Variants in CELF2 observed in about 807,000 individuals in gnomAD.
The protein encoded by CELF2 is CUGBP Elav-like family member 2, also known as CUG triplet repeat RNA-binding protein 2.
In CELF2, 8 loss-of-function variants were observed where a neutral mutation model predicts 62.6. That is an observed-to-expected ratio of 0.13 (90% CI 0.07 to 0.23). The LOEUF is 0.23. CELF2 is among the 10% of genes least tolerant of loss of function. The pLI, the probability that CELF2 is intolerant of heterozygous loss-of-function variation, is 1.00. For missense variants in CELF2, 333 were observed against 671.0 expected, an observed-to-expected ratio of 0.50 and a Z score of 5.56; for synonymous variants, 258 against 250.0, an observed-to-expected ratio of 1.03 and a Z score of -0.30.
chr10:11,236,290 T>C (rs2071246072), intron 3 of CELF2, among the ~76,000 whole-genome samples: 1 of 152,224 alleles, frequency 6.6e-6, no homozygotes, highest in African/African-American at 2.4e-5. Context: ...ATTTTAAAGA[T>C]TTGCTTGTTA....
At position 11,267,533 on chromosome 10, in the gene CELF2, T is replaced by A. The variant is rs1213918828; in HGVS notation, c.618+856T>A. On this transcript the variant is annotated intron_variant, in intron 6 of 12. Transcript: ENST00000633077. This position sits in a 1 kb window ranked among gnomAD's most constrained non-coding sequence, Gnocchi z 4.4. ...ATACTGTATCTTTGTGTATGGGTGA[T>A]CTTTTCCGGAGGTGGCCTTGTGGTG... is the stretch of plus-strand genomic sequence containing the variant. Among the ~76,000 whole-genome samples, 1 of 152,228 alleles carries A rather than the reference T, an allele frequency of 6.6e-6. No individual in the cohort carries two copies. The highest frequency in any genetic ancestry group is 1.5e-5 in the Non-Finnish European group (1 of 68,032).
intron 1 of CELF2, among the ~76,000 whole-genome samples, chr10:11,113,002 TG>T (rs2055606999): frequency 2.0e-5 from 3 of 152,188 alleles, no homozygotes; most frequent in African/African-American, 7.2e-5. Flanking sequence ...GACTGAGTCG[TG>T]AGTAAACGCA....
At chr10:10,736,556 G>A in the CELF2 span, among the ~76,000 whole-genome samples, 1 of 151,952 alleles carries the variant, frequency 6.6e-6, no homozygotes, top group East Asian at 1.9e-4. Context: ...AGAGAAATAC[G>A]TTGGGAATTT....
the CELF2 span, among the ~76,000 whole-genome samples, chr10:10,577,364 T>TTTATTATTATTATTATTA: frequency 0.01 from 1,472 of 141,404 alleles, 13 homozygotes; most frequent in Non-Finnish European, 0.015. Context: ...AACAAATCTT[T>TTTATTATTATTATTATTA]TTATTATTAT....
the CELF2 span, among the ~76,000 whole-genome samples, chr10:10,658,577 A>G: frequency 6.6e-6 from 1 of 152,188 alleles, no homozygotes; most frequent in Non-Finnish European, 1.5e-5. Context: ...CCAATTTGCT[A>G]ACTTTTATAA....
At chr10:10,836,205 A>G (rs1392661858) in intron 1 of CELF2, among the ~76,000 whole-genome samples, 1 of 152,176 alleles carries the variant, frequency 6.6e-6, no homozygotes, top group Non-Finnish European at 1.5e-5. Flanking sequence ...AGGGAGAAGC[A>G]TAAGAAAAGA....
chr10:10,683,886 C>T, the CELF2 span, among the ~76,000 whole-genome samples: 2 of 152,136 alleles, frequency 1.3e-5, no homozygotes, highest in Non-Finnish European at 2.9e-5. Flanking sequence ...AGGCAAAAGT[C>T]GTCAGGCAAG....
Position 11,314,470 on chromosome 10 carries a change from T to G in CELF2, c.1096+212T>G. 3.1e-6 allele frequency: 2 copies of G among 652,066 alleles called. No individual in the cohort carries two copies. Among genetic ancestry groups the G allele is most frequent in the Non-Finnish European group, 5.6e-6 (2 of 360,118 alleles). The allele number at this position is 652,066 out of a possible 1,614,324, so 40.4% of individuals were successfully genotyped here. ...AACCACTCTCCACCCCCAGATTCTC[T>G]TCAGTGTGTAGCACAGCGCGTGTGC... On this transcript the variant is annotated intron_variant, in intron 10 of 12. Coordinates refer to ENST00000633077, the MANE Select transcript of CELF2 (RefSeq NM_001326342.2). This position sits in a 1 kb window ranked among gnomAD's most constrained non-coding sequence, Gnocchi z 5.3.
At chr10:11,216,725 T>C (rs2063458054) in intron 2 of CELF2, among the ~76,000 whole-genome samples, 1 of 152,222 alleles carries the variant, frequency 6.6e-6, no homozygotes, top group African/African-American at 2.4e-5. Flanking sequence ...CCACAGGCTC[T>C]TTGGAAAGGA....
At chr10:10,698,117 G>T in the CELF2 span, among the ~76,000 whole-genome samples, 872 of 152,298 alleles carry the variant, frequency 5.7e-3, 7 homozygotes, top group African/African-American at 0.02. Context: ...ACCTTAGCAG[G>T]TGGTGTGATA....
At chr10:11,066,649 T>C (rs777335267) in intron 1 of CELF2, among the ~76,000 whole-genome samples, 4 of 152,182 alleles carry the variant, frequency 2.6e-5, no homozygotes, top group African/African-American at 9.7e-5. Flanking sequence ...CAAAGGATGA[T>C]ACTATGTCAG....
At chr10:11,063,387 A>T (rs555338288) in intron 1 of CELF2, among the ~76,000 whole-genome samples, 1 of 152,244 alleles carries the variant, frequency 6.6e-6, no homozygotes, top group Non-Finnish European at 1.5e-5. Flanking sequence ...TTCATGACTT[A>T]TCTATAAAAT....
intron 2 of CELF2, among the ~76,000 whole-genome samples, chr10:10,987,378 C>T (rs1311723895): frequency 1.3e-5 from 2 of 151,216 alleles, no homozygotes; most frequent in African/African-American, 4.9e-5. Context: ...TAAACTAAGG[C>T]GTATATATAC....
At chr10:11,030,268 A>T (rs2059884416) in intron 1 of CELF2, 1 of 152,262 alleles carries the variant, frequency 6.6e-6, no homozygotes, top group Non-Finnish European at 1.5e-5. Flanking sequence ...ATATTTTATC[A>T]ATAATTCTCA....
intron 5 of CELF2, among the ~76,000 whole-genome samples, chr10:11,258,648 G>A (rs567027615): frequency 1.1e-4 from 16 of 152,290 alleles, no homozygotes; most frequent in East Asian, 3.9e-4. Context: ...GTTGACACTC[G>A]TCTGACTGCA....
At chr10:10,760,736 A>G in the CELF2 span, among the ~76,000 whole-genome samples, 109 of 152,300 alleles carry the variant, frequency 7.2e-4, no homozygotes, top group Middle Eastern at 3.4e-3. Flanking sequence ...AACGAGGAAA[A>G]AGGCCAACAG....
chr10:11,185,776 T>C (rs1438470898), intron 2 of CELF2, among the ~76,000 whole-genome samples: 5 of 152,242 alleles, frequency 3.3e-5, no homozygotes, highest in East Asian at 1.9e-4. Flanking sequence ...TACATCTGTG[T>C]TCGGGAAGAA....
the CELF2 span, among the ~76,000 whole-genome samples, chr10:10,595,027 T>C: frequency 6.6e-6 from 1 of 152,224 alleles, no homozygotes; most frequent in Non-Finnish European, 1.5e-5. Context: ...CCAGGCAACA[T>C]AAACGTAGCT....
the CELF2 span, among the ~76,000 whole-genome samples, chr10:10,474,318 A>C: frequency 6.6e-6 from 1 of 151,982 alleles, no homozygotes; most frequent in African/African-American, 2.4e-5. Context: ...ACCATAACAA[A>C]AACAAGCTTA....
Sources: gnomAD v4.1 joint callset for allele counts (sites outside exome capture counted in the v4.1 genomes callset) on GRCh38, gnomAD v4.1.1 for gene constraint, Gnocchi (gnomAD v3.1) non-coding constraint, MANE v1.5 for transcripts, NCBI Gene and HGNC (gene_info 2026-07-23, HGNC 2026-07-21) for gene names.